Variants in TRIP6 observed in about 807,000 individuals in gnomAD.
The protein encoded by TRIP6 is thyroid receptor-interacting protein 6.
In TRIP6, 33 loss-of-function variants were observed where a neutral mutation model predicts 51.9. That is an observed-to-expected ratio of 0.64 (90% CI 0.48 to 0.85). The LOEUF is 0.85. Among genes scored for constraint, TRIP6 ranks in the 40% least tolerant of loss-of-function variants. The pLI is 0.00. For missense variants in TRIP6, 661 were observed against 652.1 expected (o/e 1.01, Z -0.15); for synonymous variants, 255 against 275.8 (o/e 0.92, Z 0.75).
At position 100,870,667 on chromosome 7, in the gene TRIP6, C is replaced by T. The variant is rs1221378043; in HGVS notation, c.923C>T (p.Ser308Phe). Residue 308 changes from serine (S) to phenylalanine (F), a missense_variant, in exon 6 of 9, where the codon TCT becomes TTT. Physicochemically the swap from Ser to Phe is radical, Grantham distance 155. Coordinates refer to ENST00000200457, the MANE Select transcript of TRIP6 (RefSeq NM_003302.3). ...RVFHVGCFVCSTCRAQLRGQH... is the reference protein window; with the variant it reads ...RVFHVGCFVCFTCRAQLRGQH... The stretch of plus-strand genomic sequence containing the variant: ...TTTCACGTGGGCTGCTTTGTATGTT[C>T]TACATGCCGGGCCCAGCTTCGCGGC... 1 of 1,614,108 alleles carries T rather than the reference C, an allele frequency of 6.2e-7. No homozygotes were observed. Among genetic ancestry groups the T allele is most frequent in the Admixed American group, 1.7e-5 (1 of 60,000 alleles).
In TRIP6 at chr7:100,867,885, AT is replaced by A; in HGVS notation, c.139del (p.Cys47AlafsTer51). 1.3e-6 allele frequency: 2 copies of A among 1,530,112 alleles called. No homozygotes were observed. Among genetic ancestry groups the A allele is most frequent in the South Asian group, 1.3e-5 (1 of 75,516 alleles). The allele number at this position is 1,530,112 out of a possible 1,614,324, so 94.8% of individuals were successfully genotyped here. On this transcript the variant is annotated frameshift_variant, in exon 2 of 9. Coordinates refer to ENST00000200457, the MANE Select transcript of TRIP6 (RefSeq NM_003302.3). LOFTEE classifies it high-confidence loss of function. The surrounding 1 kb of genome is among the most constrained non-coding windows in gnomAD (Gnocchi z 5.4). ...GAALQPHPRV[N>X]FCPLPSEQCY... is the part of the protein sequence containing the mutation. ...GCACTCCAGCCCCACCCCAGGGTCAATTTTTGCCCCCTTCCATCTGAGCAGT... is the reference window on the plus strand; with the variant it reads ...GCACTCCAGCCCCACCCCAGGGTCAATTTTGCCCCCTTCCATCTGAGCAGT...
chr7:100,871,870 C>T (rs1215218281), intron 7 of TRIP6, 149 bp downstream of exon 7: 1 of 1,122,222 alleles, frequency 8.9e-7, no homozygotes, highest in Non-Finnish European at 1.2e-6. Flanking sequence ...GAGTTTCACT[C>T]TGTTGCCCAG....
At position 100,873,210 on chromosome 7, in the gene TRIP6, G is replaced by A; in HGVS notation, c.1338G>A (p.Gln446=). Residue 446 remains glutamine, a synonymous_variant, in exon 9 of 9, where the codon CAG becomes CAA. Coordinates refer to ENST00000200457, the MANE Select transcript of TRIP6 (RefSeq NM_003302.3). ...GLLLSSEGEC[Q]GCYPLDGHIL... is the part of the protein sequence containing the mutation. ...TGCTCTCCTCTGAGGGCGAGTGTCA[G>A]GGCTGCTACCCGCTGGATGGGCACA... 1 of 1,613,658 alleles carries A rather than the reference G, an allele frequency of 6.2e-7. No homozygotes were observed. Among genetic ancestry groups the A allele is most frequent in the Non-Finnish European group, 8.5e-7 (1 of 1,179,808 alleles).
intron 4 of TRIP6, among the ~76,000 whole-genome samples, chr7:100,869,931 A>G (rs1815234146): frequency 6.6e-6 from 1 of 151,736 alleles, no homozygotes. Flanking sequence ...GTTTCGGTAT[A>G]TATTACAATG....
In TRIP6 at chr7:100,873,187, C is replaced by T. The variant is rs1815313021; in HGVS notation, c.1315C>T (p.Leu439Phe). ...CYKCEECGLL[L>F]SSEGECQGCY... The stretch of plus-strand genomic sequence containing the variant: ...TTTTCAACAGGAGTGTGGGCTGCTG[C>T]TCTCCTCTGAGGGCGAGTGTCAGGG... Residue 439 changes from leucine (L) to phenylalanine (F), a missense_variant, in exon 9 of 9, where the codon CTC becomes TTC. By Grantham distance (22) the Leu-to-Phe change is conservative (BLOSUM62 0). Coordinates refer to ENST00000200457, the MANE Select transcript of TRIP6 (RefSeq NM_003302.3). 6 of 1,612,538 alleles carry T rather than the reference C, an allele frequency of 3.7e-6. No individual in the cohort carries two copies. In the East Asian group the frequency reaches 1.1e-4, roughly 30 times the overall value.
rs1188996738 is a variant in TRIP6, at chr7:100,867,983, A to T, written c.232A>T (p.Thr78Ser). 1.3e-6 allele frequency: 2 copies of T among 1,514,636 alleles called. No homozygotes were observed. The allele number at this position is 1,514,636 out of a possible 1,614,324, so 93.8% of individuals were successfully genotyped here. A position where few individuals can be genotyped will look rare whatever the true frequency, so the allele number is the denominator to read the frequency against. The change falls in exon 2 of 9, where the codon ACG becomes TCG. Residue 78 changes from threonine to serine, a missense_variant. Transcript: ENST00000200457. This position sits in a 1 kb window ranked among gnomAD's most constrained non-coding sequence, Gnocchi z 5.4. ...GGGGTCCCATGGAGTACTCCAGCAC[A>T]CGCAGGTGAGACCCGGGATCGTGGG... The part of the protein sequence containing the change: ...WVGSHGVLQH[T>S]QGLPADRGGL...
chr7:100,868,583 G>A lies in TRIP6; in HGVS notation c.452G>A (p.Gly151Asp). 6.2e-7 allele frequency: 1 copy of A among 1,612,952 alleles called. No homozygotes were observed. The highest frequency in any genetic ancestry group is 8.5e-7 in the Non-Finnish European group (1 of 1,180,000). Residue 151 changes from glycine to aspartate, a missense_variant, in exon 4 of 9, where the codon GGC (glycine) becomes GAC (aspartate). Coordinates refer to ENST00000200457, the MANE Select transcript of TRIP6 (RefSeq NM_003302.3). Reference protein sequence around the residue: ...ASPLPASPYGGPTPASYTTAS... With the variant: ...ASPLPASPYGDPTPASYTTAS... ...CCGCTCCCAGCGTCTCCCTATGGGGGCCCCACTCCAGCCTCTTACACTACC... is the reference window on the plus strand; with the variant it reads ...CCGCTCCCAGCGTCTCCCTATGGGGACCCCACTCCAGCCTCTTACACTACC...
rs372095683 is a variant in TRIP6 at position 100,870,741 on chromosome 7, G to A, written c.997G>A (p.Val333Met). Residue 333 changes from valine to methionine, a missense_variant and splice_region_variant, in exon 6 of 9, where the codon GTG becomes ATG. Transcript: ENST00000200457. Reference sequence around the variant, plus strand: ...GAGGGCATATTGCGAGGGCTGCTACGTGGTGAGTGGCTGGGGCTGGGAGGA... The same window carrying A: ...GAGGGCATATTGCGAGGGCTGCTACATGGTGAGTGGCTGGGGCTGGGAGGA... Reference protein sequence around the residue: ...ERRAYCEGCYVATLEKCATCS... With the variant: ...ERRAYCEGCYMATLEKCATCS... 27 of 1,610,330 alleles carry A rather than the reference G, an allele frequency of 1.7e-5. No homozygotes were observed. The South Asian group carries it at 2.4e-4, about 14-fold the overall frequency.
Position 100,867,394 on chromosome 7 carries a change from G to C in TRIP6, c.-104G>C, listed in dbSNP as rs964479814. 3 of 864,698 alleles carry C rather than the reference G, an allele frequency of 3.5e-6. No individual in the cohort carries two copies. The African/African-American group carries it at 5.4e-5, about 15-fold the overall frequency. The allele number at this position is 864,698 out of a possible 1,614,324, so 53.6% of individuals were successfully genotyped here. ...AGAGGAAAAAAAAAAGCCAGAAAAA[G>C]TTTTCTTTTCTGGAGTCCCAAACGA... On this transcript the variant is annotated 5_prime_UTR_variant, in exon 1 of 9. Transcript: ENST00000200457. This position sits in a 1 kb window ranked among gnomAD's most constrained non-coding sequence, Gnocchi z 5.4.
intron 3 of TRIP6, 86 bp downstream of exon 3, chr7:100,868,319 T>C (rs947841021): frequency 1.3e-6 from 2 of 1,570,126 alleles, no homozygotes; most frequent in African/African-American, 2.7e-5. Flanking sequence ...ATGTGTGTAA[T>C]GTGCACCCCA....
chr7:100,870,690 G>C lies in TRIP6; in HGVS notation c.946G>C (p.Gly316Arg). The change falls in exon 6 of 9, where the codon GGC (glycine) becomes CGC (arginine). Residue 316 changes from glycine (G) to arginine (R), a missense_variant. Physicochemically the swap from Gly to Arg is moderately radical, Grantham distance 125. Transcript: ENST00000200457. ...VCSTCRAQLR[G>R]QHFYAVERRA... ...TTCTACATGCCGGGCCCAGCTTCGC[G>C]GCCAGCATTTCTACGCCGTGGAGAG... 1.9e-6 allele frequency: 3 copies of C among 1,614,120 alleles called. No individual in the cohort carries two copies. The highest frequency in any genetic ancestry group is 1.3e-5 in the African/African-American group (1 of 75,046).
chr7:100,870,920 G>C (rs1815255736), intron 6 of TRIP6, 177 bp downstream of exon 6: 1 of 849,416 alleles, frequency 1.2e-6, no homozygotes, highest in Admixed American at 2.4e-5. Flanking sequence ...CTTAACACTG[G>C]TGGCTGAAGG....
intron 8 of TRIP6, 101 bp downstream of exon 8, chr7:100,872,845 C>T (rs1254260550): frequency 4.6e-5 from 65 of 1,421,134 alleles, no homozygotes; most frequent in Non-Finnish European, 6.0e-5. Context: ...AAACCTGTTG[C>T]TTCTTTCTTT....
rs1157474028 is a variant in TRIP6, at chr7:100,868,879, G to A, written c.735+13G>A. The A allele has an allele frequency of 6.7e-7, 1 of 1,489,722 alleles. No individual in the cohort carries two copies. The highest frequency in any genetic ancestry group is 8.9e-7 in the Non-Finnish European group (1 of 1,123,604). The allele number at this position is 1,489,722 out of a possible 1,614,324, so 92.3% of individuals were successfully genotyped here. A position where few individuals can be genotyped will look rare whatever the true frequency, so the allele number is the denominator to read the frequency against. On this transcript the variant is annotated intron_variant, in intron 4 of 8. Coordinates refer to ENST00000200457, the MANE Select transcript of TRIP6 (RefSeq NM_003302.3). ...GCACGGGCCCCAGGTGAGCCCTGGG[G>A]AACTGGGATTTCAGGCCCTACAGAC...
rs768575603 is a variant in TRIP6, at chr7:100,873,250, T to G, written c.1378T>G (p.Cys460Gly). Residue 460 changes from cysteine (C) to glycine (G), a missense_variant, in exon 9 of 9, where the codon TGC becomes GGC. Cys to Gly is a radical substitution (Grantham distance 159). Transcript: ENST00000200457. ...GGATGGGCACATCTTGTGCAAGGCC[T>G]GCAGCGCCTGGCGCATCCAGGAGCT... Reference protein sequence around the residue: ...PLDGHILCKACSAWRIQELSA... With the variant: ...PLDGHILCKAGSAWRIQELSA... 6.2e-7 allele frequency: 1 copy of G among 1,613,536 alleles called. No individual in the cohort carries two copies. The highest frequency in any genetic ancestry group is 1.1e-5 in the South Asian group (1 of 91,076).
intron 8 of TRIP6, 37 bp from the exon 9 acceptor site, chr7:100,873,135 C>A: frequency 6.3e-7 from 1 of 1,598,126 alleles, no homozygotes; most frequent in South Asian, 1.1e-5. Flanking sequence ...AGGCGTGAGC[C>A]ATCGCGCCCG....
At chr7:100,872,923 T>C (rs1372038355) in intron 8 of TRIP6, 179 bp downstream of exon 8, 9 of 1,157,750 alleles carry the variant, frequency 7.8e-6, no homozygotes, top group Non-Finnish European at 1.0e-5. Flanking sequence ...CAATCTTGGC[T>C]CACTGCAACC....
In TRIP6 at chr7:100,870,688, G is replaced by C; in HGVS notation, c.944G>C (p.Arg315Pro). The change falls in exon 6 of 9, where the codon CGC becomes CCC. Residue 315 changes from arginine to proline, a missense_variant. By Grantham distance (103) the Arg-to-Pro change is moderately radical. Coordinates refer to ENST00000200457, the MANE Select transcript of TRIP6 (RefSeq NM_003302.3). ...FVCSTCRAQL[R>P]GQHFYAVERR... ...TGTTCTACATGCCGGGCCCAGCTTC[G>C]CGGCCAGCATTTCTACGCCGTGGAG... 3 of 1,614,096 alleles carry C rather than the reference G, an allele frequency of 1.9e-6. No homozygotes were observed. The highest frequency in any genetic ancestry group is 2.5e-6 in the Non-Finnish European group (3 of 1,179,990).
At position 100,870,383 on chromosome 7, in the gene TRIP6, A is replaced by G. The variant is rs1482592457; in HGVS notation, c.749A>G (p.Gln250Arg). The change falls in exon 5 of 9, where the codon CAG becomes CGG. Residue 250 changes from glutamine (Q) to arginine (R), a missense_variant. By Grantham distance (43) the Gln-to-Arg change is conservative. Coordinates refer to ENST00000200457, the MANE Select transcript of TRIP6 (RefSeq NM_003302.3). ...GEHGPQVPLS[Q>R]PPEDELDRLT... ...CCCACCTTCCAGGTGCCCCTGAGCC[A>G]GCCTCCAGAGGATGAGCTGGATAGG... 6.2e-7 allele frequency: 1 copy of G among 1,612,084 alleles called. No individual in the cohort carries two copies. Among genetic ancestry groups the G allele is most frequent in the African/African-American group, 1.3e-5 (1 of 74,866 alleles).
Sources: gnomAD v4.1 joint callset for allele counts (sites outside exome capture counted in the v4.1 genomes callset) on GRCh38, gnomAD v4.1.1 for gene constraint, Gnocchi (gnomAD v3.1) non-coding constraint, MANE v1.5 for transcripts, NCBI Gene and HGNC (gene_info 2026-07-23, HGNC 2026-07-21) for gene names.